The following KCNRG variants were observed in gnomAD, a reference collection of about 807,000 sequenced individuals.
KCNRG encodes potassium channel regulator, also known as potassium channel regulatory protein.
In KCNRG, 17 loss-of-function variants were observed where a neutral mutation model predicts 17.7. The ratio of observed to expected loss-of-function variants is 0.96; its 90% CI spans 0.66 to 1.44. The LOEUF is 1.44. KCNRG is among the 40% of genes most tolerant of loss of function. The pLI, the probability that KCNRG is intolerant of heterozygous loss-of-function variation, is 0.00. For missense variants in KCNRG, 311 were observed against 321.1 expected, an observed-to-expected ratio of 0.97 and a Z score of 0.24; for synonymous variants, 97 against 116.5, an observed-to-expected ratio of 0.83 and a Z score of 1.08.
At chr13:50,018,422 T>C (rs527245281) in intron 1 of KCNRG, 4 of 166,608 alleles carry the variant, frequency 2.4e-5, no homozygotes, top group African/African-American at 9.6e-5. Flanking sequence ...TTTGCTAATA[T>C]TGAGAATCTG....
chr13:50,020,369 T>A lies in KCNRG; in HGVS notation c.734T>A (p.Ile245Lys). 1 of 1,614,070 alleles carries A rather than the reference T, an allele frequency of 6.2e-7. No individual in the cohort carries two copies. The highest frequency in any genetic ancestry group is 8.5e-7 in the Non-Finnish European group (1 of 1,179,946). Reference protein sequence around the residue: ...DKTECYSFERIKSPEVLITNE... With the variant: ...DKTECYSFERKKSPEVLITNE... The stretch of plus-strand genomic sequence containing the variant: ...ACTGAATGCTATAGCTTTGAAAGGA[T>A]AAAAAGCCCTGAAGTGCTCATCACG... The change falls in exon 2 of 2, where the codon ATA (isoleucine) becomes AAA (lysine). Residue 245 changes from isoleucine (I) to lysine (K), a missense_variant. By Grantham distance (102) the Ile-to-Lys change is moderately radical. Transcript: ENST00000312942.
chr13:50,020,042 GAAA>G (rs59250747), intron 1 of KCNRG, among the ~76,000 whole-genome samples, 169 bp from the exon 2 acceptor site: 17 of 125,060 alleles, frequency 1.4e-4, no homozygotes, highest in African/African-American at 2.4e-4. Context: ...CATCTCAAAA[GAAA>G]AAAAAAAAAA....
intron 1 of KCNRG, 105 bp from the exon 2 acceptor site, chr13:50,020,109 T>G (rs754273283): frequency 3.2e-5 from 33 of 1,018,974 alleles, no homozygotes; most frequent in Non-Finnish European, 3.9e-5. Context: ...AAATCTGTCT[T>G]GAGAAGGTAT....
Position 50,015,811 on chromosome 13 carries a change from A to G in KCNRG, c.318A>G (p.Arg106=), listed in dbSNP as rs767380049. ...TAAACCCATACCTGCTACAGCCAAG[A>G]CCTGCTCTTGTGGAGGTACATTTCC... The part of the protein sequence containing the change: ...DLLNPYLLQP[R]PALVEVHFLS... Residue 106 remains arginine (R), a synonymous_variant, in exon 1 of 2, where the codon AGA becomes AGG. Coordinates refer to ENST00000312942, the MANE Select transcript of KCNRG (RefSeq NM_173605.2). 1.9e-6 allele frequency: 3 copies of G among 1,614,086 alleles called. No individual in the cohort carries two copies. The East Asian group carries it at 6.7e-5, about 36-fold the overall frequency.
At position 50,015,598 on chromosome 13, in the gene KCNRG, A is replaced by AG. The variant is rs1258827791; in HGVS notation, c.106dup (p.Asp36GlyfsTer21). ...CTGCTTCTCGTTTGGCACGCATGTT[A>AG]GATGGCAGAGACCAAGAATTCAAGA... On this transcript the variant is annotated frameshift_variant, in exon 1 of 2. Transcript: ENST00000312942. LOFTEE classifies it high-confidence loss of function. 3.7e-6 allele frequency: 6 copies of AG among 1,614,134 alleles called. No individual in the cohort carries two copies. In the Admixed American group the frequency reaches 1.0e-4, roughly 27 times the overall value.
intron 1 of KCNRG, chr13:50,018,497 C>T (rs1165733753): frequency 3.1e-5 from 5 of 162,364 alleles, no homozygotes; most frequent in Admixed American, 6.5e-5. Context: ...TTAGATTTTA[C>T]TATTGGTTTC....
In KCNRG at chr13:50,015,571, T is replaced by C. The variant is rs764861264; in HGVS notation, c.78T>C (p.Phe26=). The change falls in exon 1 of 2, where the codon TTT becomes TTC. Residue 26 remains phenylalanine, a synonymous_variant. Transcript: ENST00000312942. ...FTTRFSTIKQ[F]PASRLARMLD... ...CAAGGTTTTCTACGATAAAGCAGTTTCCTGCTTCTCGTTTGGCACGCATGT... is the reference window on the plus strand; with the variant it reads ...CAAGGTTTTCTACGATAAAGCAGTTCCCTGCTTCTCGTTTGGCACGCATGT... 6.8e-6 allele frequency: 11 copies of C among 1,614,094 alleles called. No homozygotes were observed. Among genetic ancestry groups the C allele is most frequent in the Non-Finnish European group, 9.3e-6 (11 of 1,179,950 alleles).
Position 50,016,058 on chromosome 13 carries a change from C to G in KCNRG, c.565C>G (p.Gln189Glu), listed in dbSNP as rs201160285. ...QCGSDSTTDN[Q>E]TGVRYVSIKP... ...TGGTTCTGACAGCACTACTGATAAC[C>G]AAACTGGAGTCAGGTATTTTGTACT... Residue 189 changes from glutamine (Q) to glutamate (E), a missense_variant, in exon 1 of 2, where the codon CAA becomes GAA. Coordinates refer to ENST00000312942, the MANE Select transcript of KCNRG (RefSeq NM_173605.2). 5.0e-6 allele frequency: 8 copies of G among 1,612,078 alleles called. No individual in the cohort carries two copies. The highest frequency in any genetic ancestry group is 5.9e-6 in the Non-Finnish European group (7 of 1,178,410).
In KCNRG at chr13:50,016,193, T is replaced by G. The variant is rs968243348; in HGVS notation, c.578+122T>G. The G allele has an allele frequency of 2.7e-5, 20 of 732,140 alleles. No individual in the cohort carries two copies. The African/African-American group carries it at 3.6e-4, about 13-fold the overall frequency. The allele number at this position is 732,140 out of a possible 1,614,324, so 45.4% of individuals were successfully genotyped here. A position where few individuals can be genotyped will look rare whatever the true frequency, so the allele number is the denominator to read the frequency against. ...GATTATTCAAAATAATGTTTTGGGG[T>G]AACCAGTGGAGTTGGGTAGAATGAC... On this transcript the variant is annotated intron_variant, in intron 1 of 1. Coordinates refer to ENST00000312942, the MANE Select transcript of KCNRG (RefSeq NM_173605.2).
At chr13:50,017,365 T>C (rs1228722568) in intron 1 of KCNRG, 2 of 167,078 alleles carry the variant, frequency 1.2e-5, no homozygotes, top group Admixed American at 6.5e-5. Flanking sequence ...TTAAAAACCA[T>C]GCATTTGGAG....
chr13:50,018,636 C>G (rs1876917731), intron 1 of KCNRG, among the ~76,000 whole-genome samples: 1 of 152,214 alleles, frequency 6.6e-6, no homozygotes, highest in South Asian at 2.1e-4. Flanking sequence ...GTTTAGGTTT[C>G]TGCCTGAACT....
chr13:50,018,006 C>A (rs1876823894), intron 1 of KCNRG: 1 of 167,044 alleles, frequency 6.0e-6, no homozygotes, highest in Admixed American at 6.5e-5. Flanking sequence ...ACTTGGCTTG[C>A]ATCTTTCAGA....
chr13:50,019,415 C>T (rs541818530), intron 1 of KCNRG, among the ~76,000 whole-genome samples: 40 of 152,092 alleles, frequency 2.6e-4, no homozygotes, highest in Non-Finnish European at 2.1e-4. Flanking sequence ...TTCATATCTG[C>T]AAAATTTCAC....
chr13:50,017,041 A>AT lies in KCNRG; in HGVS notation c.578+974dup, dbSNP rs1269517678. ...AGTATGACAATTCTTAATTGTTTAC[A>AT]TTTTATAACTTCCTGTCCTTCAAAA... On this transcript the variant is annotated intron_variant, in intron 1 of 1. Transcript: ENST00000312942. 3.7e-4 allele frequency: 61 copies of AT among 167,002 alleles called. 1 individual carries two copies. In the Admixed American group the frequency reaches 4.0e-3, roughly 11 times the overall value. The allele number at this position is 167,002 out of a possible 1,614,324, so 10.3% of individuals were successfully genotyped here. A position where few individuals can be genotyped will look rare whatever the true frequency, so the allele number is the denominator to read the frequency against.
At chr13:50,016,153 A>G in intron 1 of KCNRG, 82 bp downstream of exon 1, 1 of 927,008 alleles carries the variant, frequency 1.1e-6, no homozygotes, top group Non-Finnish European at 1.6e-6. Context: ...CAGGCCTGTA[A>G]CTTCTGGAAA....
intron 1 of KCNRG, chr13:50,017,461 T>C (rs1876748850): frequency 6.0e-6 from 1 of 167,108 alleles, no homozygotes; most frequent in Non-Finnish European, 1.5e-5. Flanking sequence ...GTTTTCCCTT[T>C]TTATGTTGTG....
chr13:50,020,501 A>G lies in KCNRG; in HGVS notation c.*47A>G, dbSNP rs1328985016. On this transcript the variant is annotated 3_prime_UTR_variant, in exon 2 of 2. Coordinates refer to ENST00000312942, the MANE Select transcript of KCNRG (RefSeq NM_173605.2). The stretch of plus-strand genomic sequence containing the variant: ...GAGAAATTGCCATTTTTCTTGTTTC[A>G]TTACGTATTTAGGGCATACATGTTA... 3 of 1,589,412 alleles carry G rather than the reference A, an allele frequency of 1.9e-6. No individual in the cohort carries two copies. The highest frequency in any genetic ancestry group is 1.4e-5 in the African/African-American group (1 of 74,014).
rs1250874377 is a variant in KCNRG, at chr13:50,015,911, A to G, written c.418A>G (p.Ile140Val). The G allele has an allele frequency of 2.5e-6, 4 of 1,613,938 alleles. No homozygotes were observed. In the African/African-American group the frequency reaches 5.3e-5, roughly 22 times the overall value. The change falls in exon 1 of 2, where the codon ATT (isoleucine) becomes GTT (valine). Residue 140 changes from isoleucine to valine, a missense_variant. By Grantham distance (29) the Ile-to-Val change is conservative. Transcript: ENST00000312942. ...AACAATTGAGATGCTAACAGGGAGG[A>G]TTACAGTGTTTACAGAACAACCTTC... ...SKTIEMLTGR[I>V]TVFTEQPSAP...
At chr13:50,017,834 T>G (rs1021459814) in intron 1 of KCNRG, 1 of 167,072 alleles carries the variant, frequency 6.0e-6, no homozygotes, top group African/African-American at 2.4e-5. Context: ...ATTCAGATAT[T>G]TTTTGGTAGG....
Sources: gnomAD v4.1 joint callset for allele counts (sites outside exome capture counted in the v4.1 genomes callset) on GRCh38, gnomAD v4.1.1 for gene constraint, MANE v1.5 for transcripts, NCBI Gene and HGNC (gene_info 2026-07-23, HGNC 2026-07-21) for gene names.